EIF3H: variants seen among roughly 807,000 people sequenced by gnomAD.
EIF3H encodes eIF-3-gamma.
In EIF3H, 26 loss-of-function variants were observed where a neutral mutation model predicts 44.2. The observed-to-expected ratio is 0.59, with a 90% confidence interval of 0.43 to 0.82. The LOEUF (loss-of-function observed/expected upper bound fraction) is 0.82, where lower values mean the gene tolerates loss of function less well. Among genes scored for constraint, EIF3H ranks in the 40% least tolerant of loss-of-function variants. The pLI is 0.00. For synonymous variants in EIF3H, 166 were observed against 151.9 expected, an observed-to-expected ratio of 1.09 and a Z score of -0.68; for missense variants, 359 against 432.8, an observed-to-expected ratio of 0.83 and a Z score of 1.51.
chr8:116,657,402 A>G, intron 3 of EIF3H, 88 bp from the exon 4 acceptor site: 1 of 921,224 alleles, frequency 1.1e-6, no homozygotes. Context: ...TCTGTTACAT[A>G]TCGCACAATC....
chr8:116,674,067 CAAAAAAAAAA>C (rs59899280), intron 2 of EIF3H, among the ~76,000 whole-genome samples: 7 of 49,666 alleles, frequency 1.4e-4, no homozygotes, highest in East Asian at 7.4e-4. Flanking sequence ...AAGACTGTCT[CAAAAAAAAAA>C]AAAAAAAAAA....
At chr8:116,678,937 C>T (rs1388474407) in intron 2 of EIF3H, among the ~76,000 whole-genome samples, 3 of 99,806 alleles carry the variant, frequency 3.0e-5, no homozygotes, top group African/African-American at 9.1e-5. Flanking sequence ...GCCGCCCCTA[C>T]TGGGAAGTGA....
At position 116,644,842 on chromosome 8, in the gene EIF3H, GT is replaced by G. The variant is rs1813273507; in HGVS notation, c.*163del. Reference sequence around the variant, plus strand: ...CAAATGAGCAAGCAGTCAAGATTTTGTTTTATTTTATTATGGCTAGAAAGAC... The same window carrying G: ...CAAATGAGCAAGCAGTCAAGATTTTGTTTATTTTATTATGGCTAGAAAGAC... On this transcript the variant is annotated 3_prime_UTR_variant, in exon 8 of 8. Transcript: ENST00000521861. The G allele has an allele frequency of 7.2e-6, 4 of 555,650 alleles. 1 individual carries two copies. The South Asian group carries it at 1.1e-4, about 16-fold the overall frequency. The allele number at this position is 555,650 out of a possible 1,614,324, so 34.4% of individuals were successfully genotyped here.
intron 1 of EIF3H, among the ~76,000 whole-genome samples, chr8:116,747,939 G>A (rs1254348702): frequency 1.3e-5 from 2 of 151,990 alleles, no homozygotes; most frequent in African/African-American, 2.4e-5. Flanking sequence ...GTGAAACCCC[G>A]TCTCTACTAT....
intron 2 of EIF3H, among the ~76,000 whole-genome samples, chr8:116,718,329 A>G (rs553688339): frequency 2.0e-5 from 3 of 152,306 alleles, no homozygotes; most frequent in East Asian, 1.9e-4. Flanking sequence ...AAGAATTAAA[A>G]GTAGATCTAC....
At chr8:116,758,913 GA>G, upstream of EIF3H, among the ~76,000 whole-genome samples, 1 of 152,232 alleles carries the variant, frequency 6.6e-6, no homozygotes. Context: ...GCCTACATTA[GA>G]AAAAGGAAAT....
rs541661301 is a variant in EIF3H, at chr8:116,705,706, G to C, written c.289+20310C>G. Among the ~76,000 whole-genome samples, 18 of 152,148 alleles carry C rather than the reference G, an allele frequency of 1.2e-4. No individual in the cohort carries two copies. In the East Asian group the frequency reaches 3.5e-3, roughly 29 times the overall value. On this transcript the variant is annotated intron_variant, in intron 2 of 7. Coordinates refer to ENST00000521861, the MANE Select transcript of EIF3H (RefSeq NM_003756.3). The stretch of plus-strand genomic sequence containing the variant: ...AGACTGAGACAGTCACAGACCAGAG[G>C]GGCCTAAGGAGACATAACCAGCGCA...
At chr8:116,734,003 T>C (rs1485427288) in intron 1 of EIF3H, among the ~76,000 whole-genome samples, 1 of 152,208 alleles carries the variant, frequency 6.6e-6, no homozygotes, top group East Asian at 1.9e-4. Context: ...TATCTGTTCT[T>C]GCAGTCAATC....
At chr8:116,695,667 T>C (rs1814258551) in intron 2 of EIF3H, among the ~76,000 whole-genome samples, 1 of 151,832 alleles carries the variant, frequency 6.6e-6, no homozygotes, top group Non-Finnish European at 1.5e-5. Flanking sequence ...CTGAGCAGGG[T>C]AAGGAAGGCA....
Position 116,644,950 on chromosome 8 carries a change from G to T in EIF3H, c.*56C>A. ...TGCAAATATATTTCTTCCAAGAGTT[G>T]CCCTGGTGTGACTTCAAGAGTTCAT... is the stretch of plus-strand genomic sequence containing the variant. On this transcript the variant is annotated 3_prime_UTR_variant, in exon 8 of 8. Coordinates refer to ENST00000521861, the MANE Select transcript of EIF3H (RefSeq NM_003756.3). The T allele has an allele frequency of 7.5e-7, 1 of 1,334,242 alleles. No homozygotes were observed. The highest frequency in any genetic ancestry group is 1.1e-6 in the Non-Finnish European group (1 of 932,660). 82.7% of individuals were successfully genotyped at this position (1,334,242 alleles called of 1,614,324 possible).
intron 1 of EIF3H, 78 bp downstream of exon 1, chr8:116,755,588 G>C: frequency 6.3e-7 from 1 of 1,590,248 alleles, no homozygotes; most frequent in East Asian, 2.3e-5. Flanking sequence ...GGGGGAGAAT[G>C]CTAGAAAGTA....
At chr8:116,689,132 T>C (rs983189100) in intron 2 of EIF3H, 2 of 443,604 alleles carry the variant, frequency 4.5e-6, no homozygotes, top group South Asian at 1.6e-5. Flanking sequence ...TGCTGCACTA[T>C]GAATGAACCT....
chr8:116,685,367 A>G (rs529093707), intron 2 of EIF3H, among the ~76,000 whole-genome samples: 99 of 152,336 alleles, frequency 6.5e-4, no homozygotes, highest in African/African-American at 2.3e-3. Flanking sequence ...CCTGTTCTTC[A>G]GCCACAGAAT....
chr8:116,704,935 A>G (rs924424014), intron 2 of EIF3H, among the ~76,000 whole-genome samples: 1 of 152,212 alleles, frequency 6.6e-6, no homozygotes, highest in African/African-American at 2.4e-5. Context: ...GGTACATTAT[A>G]CCAAATGTAA....
Position 116,645,030 on chromosome 8 carries a change from C to G in EIF3H, c.1035G>C (p.Gln345His), listed in dbSNP as rs1347013694. 1 of 1,614,028 alleles carries G rather than the reference C, an allele frequency of 6.2e-7. No individual in the cohort carries two copies. Among genetic ancestry groups the G allele is most frequent in the Non-Finnish European group, 8.5e-7 (1 of 1,179,970 alleles). Residue 345 changes from glutamine (Q) to histidine (H), a missense_variant, in exon 8 of 8, where the codon CAG (glutamine) becomes CAC (histidine). Around this residue, in one of 5 missense-constraint regions of EIF3H, gnomAD observed 94 missense variants for 96.0 expected, o/e 0.98. Coordinates refer to ENST00000521861, the MANE Select transcript of EIF3H (RefSeq NM_003756.3). The stretch of plus-strand genomic sequence containing the variant: ...CTTAGTTGTTGTATTCTTGAAGAGC[C>G]TGGGCCATGAAGAGCTTGCCTAAGT... ...AQNLGKLFMA[Q>H]ALQEYNN
chr8:116,722,670 A>C (rs760281799), intron 2 of EIF3H, among the ~76,000 whole-genome samples: 6 of 152,186 alleles, frequency 3.9e-5, no homozygotes, highest in Non-Finnish European at 5.9e-5. Flanking sequence ...ACCCAAGTGA[A>C]GAAGCAGAGA....
chr8:116,692,491 A>T (rs1814196129), intron 2 of EIF3H, among the ~76,000 whole-genome samples: 1 of 152,234 alleles, frequency 6.6e-6, no homozygotes, highest in South Asian at 2.1e-4. Context: ...TTAACTCTGA[A>T]TAAAGGTAAA....
At chr8:116,743,812 ACAC>A (rs1461085995) in intron 1 of EIF3H, among the ~76,000 whole-genome samples, 1 of 117,836 alleles carries the variant, frequency 8.5e-6, no homozygotes, top group Non-Finnish European at 1.7e-5. Flanking sequence ...ACACACACAC[ACAC>A]ACACACACAC....
chr8:116,657,097 C>A, intron 4 of EIF3H, 118 bp downstream of exon 4: 1 of 847,768 alleles, frequency 1.2e-6, no homozygotes, highest in Non-Finnish European at 2.0e-6. Context: ...CAGAAAACTT[C>A]TACAGTCCAC....
Sources: allele counts gnomAD v4.1 joint callset (sites outside exome capture counted in the v4.1 genomes callset), GRCh38; gene constraint gnomAD v4.1.1; regional missense constraint gnomAD v4.1.1; transcripts MANE v1.5; gene names NCBI Gene and HGNC (gene_info 2026-07-23, HGNC 2026-07-21).